The following BCAS3 variants were observed in gnomAD, a reference collection of about 807,000 sequenced individuals.
BCAS3 encodes the protein BCAS4/BCAS3 fusion.
A neutral mutation model predicts 116.1 loss-of-function variants in BCAS3; 53 were observed. The ratio of observed to expected loss-of-function variants is 0.46; its 90% CI spans 0.37 to 0.57. The LOEUF is 0.57. BCAS3 is among the 20% of genes least tolerant of loss of function. The pLI is 0.00. For synonymous variants in BCAS3, 391 were observed against 408.2 expected, an observed-to-expected ratio of 0.96 and a Z score of 0.51; for missense variants, 917 against 1,165.4, an observed-to-expected ratio of 0.79 and a Z score of 3.10.
chr17:60,853,388 A>T (rs1439063855), intron 7 of BCAS3, among the ~76,000 whole-genome samples: 1 of 152,360 alleles, frequency 6.6e-6, no homozygotes, highest in African/African-American at 2.4e-5. Flanking sequence ...TGAACTGTAC[A>T]TGGAAGCTTC....
intron 13 of BCAS3, among the ~76,000 whole-genome samples, chr17:60,935,818 G>T (rs1432365303): frequency 6.6e-6 from 1 of 150,618 alleles, no homozygotes; most frequent in Non-Finnish European, 1.5e-5. Context: ...TATGATACAT[G>T]GTTCTTTGAG....
chr17:60,682,478 A>AT (rs2033317303), intron 2 of BCAS3, among the ~76,000 whole-genome samples: 2 of 151,998 alleles, frequency 1.3e-5, no homozygotes, highest in Non-Finnish European at 2.9e-5. Flanking sequence ...TTCAAGTGTG[A>AT]TTTTTCACAT....
chr17:61,182,717 A>G (rs564418953), intron 22 of BCAS3, among the ~76,000 whole-genome samples: 1 of 152,266 alleles, frequency 6.6e-6, no homozygotes, highest in African/African-American at 2.4e-5. Flanking sequence ...GTCTCTATGT[A>G]TTTGTCATTC....
At chr17:60,984,713 G>A (rs112194671) in intron 14 of BCAS3, among the ~76,000 whole-genome samples, 1 of 151,906 alleles carries the variant, frequency 6.6e-6, no homozygotes, top group Non-Finnish European at 1.5e-5. Flanking sequence ...TAGAGTACAT[G>A]AAATGTTTTG....
intron 22 of BCAS3, among the ~76,000 whole-genome samples, chr17:61,147,148 C>G (rs1355412888): frequency 6.7e-6 from 1 of 150,272 alleles, no homozygotes; most frequent in East Asian, 2.0e-4. Flanking sequence ...GATCTCGGCT[C>G]ACTGCAACCT....
At chr17:61,009,935 C>G (rs760515937) in intron 15 of BCAS3, among the ~76,000 whole-genome samples, 1 of 152,010 alleles carries the variant, frequency 6.6e-6, no homozygotes, top group Non-Finnish European at 1.5e-5. Context: ...CCACAAATGT[C>G]CAAGTTTGTC....
At chr17:60,955,386 A>ATTTTTTTTTTTTTTTTTTTTTTTTT (rs1016334366) in intron 14 of BCAS3, among the ~76,000 whole-genome samples, 10 of 128,076 alleles carry the variant, frequency 7.8e-5, no homozygotes, top group African/African-American at 3.5e-4. Context: ...GGGAAACTGA[A>ATTTTTTTTTTTTTTTTTTTTTTTTT]TTTTTTTTTT....
At chr17:60,925,084 C>G (rs1241469387) in intron 13 of BCAS3, among the ~76,000 whole-genome samples, 1 of 151,402 alleles carries the variant, frequency 6.6e-6, no homozygotes, top group Non-Finnish European at 1.5e-5. Flanking sequence ...TTTTATTTTA[C>G]TATTTTTTTA....
At chr17:60,865,107 G>T (rs1191844606) in intron 7 of BCAS3, among the ~76,000 whole-genome samples, 1 of 152,058 alleles carries the variant, frequency 6.6e-6, no homozygotes, top group Non-Finnish European at 1.5e-5. Context: ...ACCAAAATGT[G>T]ATGGAGAGAC....
chr17:61,237,957 G>A (rs893037492), intron 22 of BCAS3, among the ~76,000 whole-genome samples: 6 of 152,198 alleles, frequency 3.9e-5, no homozygotes, highest in Middle Eastern at 3.2e-3. Flanking sequence ...TTGCTTTACA[G>A]GGGTGATTTT....
At chr17:60,848,067 C>A (rs1029715708) in intron 7 of BCAS3, among the ~76,000 whole-genome samples, 2 of 152,148 alleles carry the variant, frequency 1.3e-5, no homozygotes, top group African/African-American at 2.4e-5. Flanking sequence ...AAGAGACTGT[C>A]CTTTCCCCCA....
At chr17:60,759,248 A>G (rs1310382347) in intron 6 of BCAS3, among the ~76,000 whole-genome samples, 1 of 152,220 alleles carries the variant, frequency 6.6e-6, no homozygotes, top group African/African-American at 2.4e-5. Flanking sequence ...ATAGTCTGTC[A>G]TGGAGAATGT....
At chr17:60,945,074 T>TA (rs1463894717) in intron 13 of BCAS3, among the ~76,000 whole-genome samples, 3 of 152,124 alleles carry the variant, frequency 2.0e-5, no homozygotes, top group Non-Finnish European at 2.9e-5. Flanking sequence ...TTGTACTGTA[T>TA]AAAAAAACCC....
intron 22 of BCAS3, among the ~76,000 whole-genome samples, chr17:61,264,157 A>G (rs1354081378): frequency 1.3e-5 from 2 of 152,020 alleles, no homozygotes; most frequent in Non-Finnish European, 2.9e-5. Flanking sequence ...TATAGATATA[A>G]TTCTTGGAAC....
chr17:60,797,571 A>G (rs1268253622), intron 6 of BCAS3, among the ~76,000 whole-genome samples: 1 of 152,018 alleles, frequency 6.6e-6, no homozygotes, highest in African/African-American at 2.4e-5. Flanking sequence ...TCTGGGATAC[A>G]TGTGCAGAAT....
intron 6 of BCAS3, among the ~76,000 whole-genome samples, chr17:60,805,451 T>C (rs1298143348): frequency 6.6e-6 from 1 of 152,150 alleles, no homozygotes; most frequent in African/African-American, 2.4e-5. Flanking sequence ...TGACATAAGA[T>C]AAATTAACAG....
At chr17:61,165,486 T>C (rs762750097) in intron 22 of BCAS3, among the ~76,000 whole-genome samples, 7 of 152,090 alleles carry the variant, frequency 4.6e-5, no homozygotes, top group African/African-American at 1.4e-4. Context: ...TTACCTGAGG[T>C]TGGTAGCCTG....
rs2053560895 is a variant in BCAS3 at position 61,302,830 on chromosome 17, G to C, written c.2426-65497G>C. On this transcript the variant is annotated intron_variant, in intron 22 of 23. Coordinates refer to ENST00000407086, the MANE Select transcript of BCAS3 (RefSeq NM_017679.5). The surrounding 1 kb of genome is among the most constrained non-coding windows in gnomAD (Gnocchi z 4.4). ...TAGAGAAAGGCAGTGAGACGGAACA[G>C]TTCTGGCCATAGGGAGGATGTAGGG... Among the ~76,000 whole-genome samples, 1 of 152,192 alleles carries C rather than the reference G, an allele frequency of 6.6e-6. No homozygotes were observed. Among genetic ancestry groups the C allele is most frequent in the African/African-American group, 2.4e-5 (1 of 41,452 alleles).
intron 1 of BCAS3, among the ~76,000 whole-genome samples, chr17:60,678,487 C>T (rs749658288): frequency 4.6e-5 from 7 of 152,056 alleles, no homozygotes; most frequent in Non-Finnish European, 1.0e-4. Flanking sequence ...TTAACCAAGC[C>T]GACTCCATGC....
Sources: allele counts gnomAD v4.1 joint callset (sites outside exome capture counted in the v4.1 genomes callset), GRCh38; gene constraint gnomAD v4.1.1; non-coding constraint Gnocchi (gnomAD v3.1); transcripts MANE v1.5; gene names NCBI Gene and HGNC (gene_info 2026-07-23, HGNC 2026-07-21).